Variants in TLR2 observed in about 807,000 individuals in gnomAD.
TLR2 encodes the protein toll-like receptor 2.
Under a neutral mutation model 9.1 loss-of-function variants are expected in TLR2, and 7 were observed. The observed-to-expected ratio is 0.77, with a 90% confidence interval of 0.44 to 1.44. TLR2 has a LOEUF of 1.44. TLR2 is among the 40% of genes most tolerant of loss of function. The pLI, the probability that TLR2 is intolerant of heterozygous loss-of-function variation, is 0.01. For synonymous variants in TLR2, 317 were observed against 344.6 expected, an observed-to-expected ratio of 0.92 and a Z score of 0.89; for missense variants, 812 against 904.6, an observed-to-expected ratio of 0.90 and a Z score of 1.31.
rs370330063 is a variant in TLR2, at chr4:153,705,150, G to T, written c.2243G>T (p.Arg748Leu). The T allele has an allele frequency of 1.9e-6, 3 of 1,614,076 alleles. No homozygotes were observed. Among genetic ancestry groups the T allele is most frequent in the Non-Finnish European group, 2.5e-6 (3 of 1,180,018 alleles). The change falls in exon 3 of 3, where the codon CGC becomes CTC. Residue 748 changes from arginine to leucine, a missense_variant. Physicochemically the swap from Arg to Leu is moderately radical, Grantham distance 102. Transcript: ENST00000642700. The stretch of plus-strand genomic sequence containing the variant: ...ATTGAGAAAAAAGCCATTCCCCAGC[G>T]CTTCTGCAAGCTGCGGAAGATAATG... ...EPIEKKAIPQ[R>L]FCKLRKIMNT...
chr4:153,699,996 C>T (rs947712293), intron 2 of TLR2, among the ~76,000 whole-genome samples: 1 of 152,090 alleles, frequency 6.6e-6, no homozygotes, highest in African/African-American at 2.4e-5. Flanking sequence ...ACAAGCATGG[C>T]ACTAGCATCT....
chr4:153,695,888 A>C (rs1736457230), intron 2 of TLR2, among the ~76,000 whole-genome samples: 1 of 152,122 alleles, frequency 6.6e-6, no homozygotes, highest in Non-Finnish European at 1.5e-5. Context: ...TTTCTTCCGC[A>C]TATGGATATC....
rs1737254863 is a variant in TLR2 at position 153,705,181 on chromosome 4, C to CA, written c.2276dup (p.Thr760AspfsTer31). Reference sequence around the variant, plus strand: ...GCAAGCTGCGGAAGATAATGAACACCAAGACCTACCTGGAGTGGCCCATGG... The same window carrying CA: ...GCAAGCTGCGGAAGATAATGAACACCAAAGACCTACCTGGAGTGGCCCATGG... On this transcript the variant is annotated frameshift_variant, in exon 3 of 3. Transcript: ENST00000642700. LOFTEE classifies it low-confidence loss of function (END_TRUNC). 1 of 1,613,870 alleles carries CA rather than the reference C, an allele frequency of 6.2e-7. No homozygotes were observed. The highest frequency in any genetic ancestry group is 1.3e-5 in the African/African-American group (1 of 74,902).
downstream of TLR2, among the ~76,000 whole-genome samples, chr4:153,709,641 C>T (rs562563164): frequency 4.3e-4 from 66 of 152,282 alleles, no homozygotes; most frequent in South Asian, 1.9e-3. Context: ...GATAGGATTT[C>T]GGGTATTGAG....
intron 2 of TLR2, among the ~76,000 whole-genome samples, chr4:153,692,910 C>T (rs575526847): frequency 2.4e-4 from 37 of 152,228 alleles, no homozygotes; most frequent in African/African-American, 6.5e-4. Flanking sequence ...TTGAAATGTC[C>T]GCTCCTGTAT....
rs764159161 is a variant in TLR2 at position 153,705,230 on chromosome 4, T to G, written c.2323T>G (p.Trp775Gly). 4 of 1,596,340 alleles carry G rather than the reference T, an allele frequency of 2.5e-6. No homozygotes were observed. The highest frequency in any genetic ancestry group is 3.4e-6 in the Non-Finnish European group (4 of 1,169,736). ...PMDEAQREGF[W>G]VNLRAAIKS ...GGACGAGGCTCAGCGGGAAGGATTT[T>G]GGGTAAATCTGAGAGCTGCGATAAA... The change falls in exon 3 of 3, where the codon TGG becomes GGG. Residue 775 changes from tryptophan (W) to glycine (G), a missense_variant. Trp to Gly is a radical substitution (Grantham distance 184). Transcript: ENST00000642700.
intron 1 of TLR2, among the ~76,000 whole-genome samples, chr4:153,687,559 A>G (rs1264641359): frequency 6.6e-6 from 1 of 151,450 alleles, no homozygotes; most frequent in African/African-American, 2.4e-5. Context: ...AACCTAATTT[A>G]GTATACTACA....
At chr4:153,688,935 ACTT>A (rs1735908182) in intron 2 of TLR2, among the ~76,000 whole-genome samples, 1 of 152,236 alleles carries the variant, frequency 6.6e-6, no homozygotes, top group African/African-American at 2.4e-5. Flanking sequence ...ACAGTGAGCT[ACTT>A]CTTGCAGGAG....
At chr4:153,685,912 A>G (rs555485848) in intron 1 of TLR2, among the ~76,000 whole-genome samples, 86 of 152,366 alleles carry the variant, frequency 5.6e-4, no homozygotes, top group Non-Finnish European at 1.0e-3. Flanking sequence ...TACAAAGAAC[A>G]GAAATTTATC....
chr4:153,704,670 C>T lies in TLR2; in HGVS notation c.1763C>T (p.Thr588Ile), dbSNP rs750359474. Residue 588 changes from threonine to isoleucine, a missense_variant, in exon 3 of 3, where the codon ACA becomes ATA. Physicochemically the swap from Thr to Ile is moderately conservative, Grantham distance 89. Transcript: ENST00000642700. ...VRLSVSECHR[T>I]ALVSGMCCAL... Reference sequence around the variant, plus strand: ...CTCTCGGTGTCGGAATGTCACAGGACAGCACTGGTGTCTGGCATGTGCTGT... The same window carrying T: ...CTCTCGGTGTCGGAATGTCACAGGATAGCACTGGTGTCTGGCATGTGCTGT... The T allele has an allele frequency of 1.9e-6, 3 of 1,613,038 alleles. No individual in the cohort carries two copies. The highest frequency in any genetic ancestry group is 1.6e-4 in the Middle Eastern group (1 of 6,062).
intron 2 of TLR2, among the ~76,000 whole-genome samples, chr4:153,698,888 C>T (rs917475780): frequency 5.3e-5 from 8 of 152,152 alleles, no homozygotes; most frequent in Non-Finnish European, 1.0e-4. Flanking sequence ...GTTCAAATTG[C>T]ACATCTGGTC....
At chr4:153,709,513 C>T (rs1737434984), downstream of TLR2, among the ~76,000 whole-genome samples, 2 of 152,318 alleles carry the variant, frequency 1.3e-5, no homozygotes, top group Non-Finnish European at 2.9e-5. Flanking sequence ...TTTACTCTTT[C>T]AGCAAATATT....
At position 153,705,085 on chromosome 4, in the gene TLR2, T is replaced by C. The variant is rs767806441; in HGVS notation, c.2178T>C (p.Asp726=). 6.2e-7 allele frequency: 1 copy of C among 1,614,106 alleles called. No individual in the cohort carries two copies. The highest frequency in any genetic ancestry group is 1.3e-5 in the African/African-American group (1 of 75,004). Residue 726 remains aspartate (D), a synonymous_variant, in exon 3 of 3, where the codon GAT becomes GAC. Coordinates refer to ENST00000642700, the MANE Select transcript of TLR2 (RefSeq NM_001318789.2). ...ACTTCTCCCATTTCCGTCTTTTTGATGAGAACAATGATGCTGCCATTCTCA... is the reference window on the plus strand; with the variant it reads ...ACTTCTCCCATTTCCGTCTTTTTGACGAGAACAATGATGCTGCCATTCTCA... ...ELDFSHFRLF[D]ENNDAAILIL...
rs1560754894 is a variant in TLR2, at chr4:153,704,680, G to T, written c.1773G>T (p.Val591=). 6.2e-7 allele frequency: 1 copy of T among 1,613,744 alleles called. No individual in the cohort carries two copies. Among genetic ancestry groups the T allele is most frequent in the Non-Finnish European group, 8.5e-7 (1 of 1,179,980 alleles). Residue 591 remains valine (V), a synonymous_variant, in exon 3 of 3, where the codon GTG becomes GTT. Coordinates refer to ENST00000642700, the MANE Select transcript of TLR2 (RefSeq NM_001318789.2). ...SVSECHRTAL[V]SGMCCALFLL... ...CGGAATGTCACAGGACAGCACTGGT[G>T]TCTGGCATGTGCTGTGCTCTGTTCC... is the stretch of plus-strand genomic sequence containing the variant.
chr4:153,707,026 CTAT>C (rs1309703183), downstream of TLR2, among the ~76,000 whole-genome samples: 1 of 151,870 alleles, frequency 6.6e-6, no homozygotes, highest in Non-Finnish European at 1.5e-5. Flanking sequence ...TAGATGTTAG[CTAT>C]TATTATTATT....
intron 2 of TLR2, among the ~76,000 whole-genome samples, chr4:153,691,692 AC>A (rs534821746): frequency 6.8e-4 from 104 of 152,306 alleles, no homozygotes; most frequent in Non-Finnish European, 1.4e-3. Context: ...AAAATAGATT[AC>A]TCAGGGCATA....
downstream of TLR2, among the ~76,000 whole-genome samples, chr4:153,707,362 A>ATTC (rs1415558238): frequency 6.6e-6 from 1 of 152,048 alleles, no homozygotes; most frequent in Admixed American, 6.6e-5. Context: ...AGCCTGGGAA[A>ATTC]CATGGCAAAA....
chr4:153,709,100 A>T (rs1428107258), downstream of TLR2, among the ~76,000 whole-genome samples: 1 of 152,120 alleles, frequency 6.6e-6, no homozygotes, highest in African/African-American at 2.4e-5. Flanking sequence ...CTCAGTCATG[A>T]CACAATAAGT....
At chr4:153,707,278 A>T (rs1364866183), downstream of TLR2, among the ~76,000 whole-genome samples, 2 of 152,106 alleles carry the variant, frequency 1.3e-5, no homozygotes, top group Non-Finnish European at 2.9e-5. Flanking sequence ...CTTAAAAAAA[A>T]TCAGGCTTGG....
Sources: gnomAD v4.1 joint callset for allele counts (sites outside exome capture counted in the v4.1 genomes callset) on GRCh38, gnomAD v4.1.1 for gene constraint, MANE v1.5 for transcripts, NCBI Gene and HGNC (gene_info 2026-07-23, HGNC 2026-07-21) for gene names.